LAMA4: variants seen among roughly 807,000 people sequenced by gnomAD.
LAMA4 encodes laminin subunit alpha 4, also known as laminin subunit alpha-4.
LAMA4 carries 127 observed loss-of-function variants against 207.1 expected under a neutral mutation model. The ratio of observed to expected loss-of-function variants is 0.61; its 90% CI spans 0.53 to 0.71. The LOEUF (loss-of-function observed/expected upper bound fraction) is 0.71, where lower values mean the gene tolerates loss of function less well. Ranked by LOEUF, LAMA4 falls within the 30% of genes least tolerant of loss-of-function variation. LAMA4 has a pLI of 0.00. For missense variants in LAMA4, 2,093 were observed against 2,246.5 expected (o/e 0.93, Z 1.38); for synonymous variants, 761 against 816.0 (o/e 0.93, Z 1.15).
rs112273838 is a variant in LAMA4 at position 112,167,160 on chromosome 6, T to C, written c.1552-1884A>G. ...TGATTAAGCTCTGTGGGTACTTTTT[T>C]GGTTTTGTATGATAACTGAAATTTG... On this transcript the variant is annotated intron_variant, in intron 12 of 38. Coordinates refer to ENST00000230538, the MANE Select transcript of LAMA4 (RefSeq NM_001105206.3). Among the ~76,000 whole-genome samples the C allele has an allele frequency of 8.4e-3, 1,286 of 152,356 alleles. 13 individuals carry two copies. The highest frequency in any genetic ancestry group is 0.029 in the African/African-American group (1,191 of 41,584).
At chr6:112,158,281 T>C (rs976696162) in intron 14 of LAMA4, 2 of 183,640 alleles carry the variant, frequency 1.1e-5, no homozygotes, top group Non-Finnish European at 2.3e-5. Context: ...TCCCGACCAG[T>C]TTTACTTAAG....
chr6:112,198,240 T>C (rs1388349034), intron 5 of LAMA4, among the ~76,000 whole-genome samples: 1 of 152,024 alleles, frequency 6.6e-6, no homozygotes, highest in Non-Finnish European at 1.5e-5. Flanking sequence ...GAATCCAAAG[T>C]TTTCCTGGAG....
At chr6:112,172,898 A>T in intron 11 of LAMA4, 94 bp from the exon 12 acceptor site, 1 of 937,584 alleles carries the variant, frequency 1.1e-6, no homozygotes, top group Non-Finnish European at 1.7e-6. Flanking sequence ...TTCTCAGGCC[A>T]TGCCTTCTTT....
chr6:112,121,401 C>A (rs587692658), intron 32 of LAMA4, among the ~76,000 whole-genome samples: 1 of 152,260 alleles, frequency 6.6e-6, no homozygotes, highest in South Asian at 2.1e-4. Flanking sequence ...AGGCAGGTAG[C>A]AAATTATAAG....
In LAMA4 at chr6:112,142,157, T is replaced by A; in HGVS notation, c.2629A>T (p.Thr877Ser). ...AGGTACAGGATAAACTGATCTGCAG[T>A]CTCGGTCAGTTCCGGCCGCTTCACA... ...PPVKRPELTE[T>S]ADQFILYLGS... Residue 877 changes from threonine (T) to serine (S), a missense_variant, in exon 20 of 39, where the codon ACT becomes TCT. Coordinates refer to ENST00000230538, the MANE Select transcript of LAMA4 (RefSeq NM_001105206.3). The A allele has an allele frequency of 6.2e-7, 1 of 1,614,142 alleles. No individual in the cohort carries two copies. The highest frequency in any genetic ancestry group is 8.5e-7 in the Non-Finnish European group (1 of 1,179,998).
intron 3 of LAMA4, chr6:112,213,538 CAT>C (rs879975403): frequency 1.3e-5 from 2 of 152,278 alleles, no homozygotes; most frequent in Non-Finnish European, 2.9e-5. Flanking sequence ...ACACTCAAAA[CAT>C]AGTAGATTTC....
intron 13 of LAMA4, among the ~76,000 whole-genome samples, chr6:112,162,639 G>A (rs1363377577): frequency 1.3e-5 from 2 of 152,096 alleles, no homozygotes; most frequent in African/African-American, 4.8e-5. Flanking sequence ...GAAGGAGTGG[G>A]TTTTATTTAA....
intron 37 of LAMA4, 30 bp from the exon 38 acceptor site, chr6:112,114,225 G>A: frequency 1.2e-6 from 2 of 1,606,536 alleles, no homozygotes; most frequent in East Asian, 2.2e-5. Flanking sequence ...CTGGTCATAA[G>A]TGGCACTGGA....
chr6:112,150,322 G>T, intron 17 of LAMA4, 189 bp downstream of exon 17: 1 of 639,942 alleles, frequency 1.6e-6, no homozygotes, highest in East Asian at 2.8e-5. Context: ...TGTGATTACA[G>T]CATTTATATT....
In LAMA4 at chr6:112,189,206, C is replaced by T. The variant is rs782066706; in HGVS notation, c.719-1G>A. 4 of 1,610,794 alleles carry T rather than the reference C, an allele frequency of 2.5e-6. No individual in the cohort carries two copies. The South Asian group carries it at 4.4e-5, about 18-fold the overall frequency. On this transcript the variant is annotated splice_acceptor_variant, in intron 6 of 38. Transcript: ENST00000230538. LOFTEE classifies it high-confidence loss of function. ...CATGGGCCTCCCCCGCAGTTGCACA[C>T]TGTGGGAAACAAAAACAAGAGACGA...
chr6:112,205,734 G>A (rs1784020136), intron 4 of LAMA4, among the ~76,000 whole-genome samples: 1 of 151,998 alleles, frequency 6.6e-6, no homozygotes, highest in African/African-American at 2.4e-5. Flanking sequence ...CTTGAGAGTG[G>A]GAGCCTATGA....
chr6:112,175,620 G>T, intron 10 of LAMA4, 140 bp from the exon 11 acceptor site: 1 of 831,414 alleles, frequency 1.2e-6, no homozygotes, highest in Non-Finnish European at 2.0e-6. Context: ...CAGCGTGCTA[G>T]TGTTCATGCT....
intron 6 of LAMA4, among the ~76,000 whole-genome samples, chr6:112,190,817 C>T (rs375479210): frequency 4.6e-5 from 7 of 152,198 alleles, no homozygotes; most frequent in East Asian, 1.9e-4. Context: ...CATAACTGAA[C>T]GAGAGATATA....
rs782755442 is a variant in LAMA4 at position 112,120,349 on chromosome 6, A to T, written c.4599T>A (p.Phe1533Leu). Residue 1533 changes from phenylalanine (F) to leucine (L), a missense_variant, in exon 33 of 39, where the codon TTT becomes TTA. Around this residue, in one of 3 missense-constraint regions of LAMA4, gnomAD observed 383 missense variants for 437.8 expected, o/e 0.87. Transcript: ENST00000230538. ...TCTTCAGTTTTTTGTGACCAACATTAAACATGTAAACCAAGCGGCCATGGG... is the reference window on the plus strand; with the variant it reads ...TCTTCAGTTTTTTGTGACCAACATTTAACATGTAAACCAAGCGGCCATGGG... Reference protein sequence around the residue: ...FLAHGRLVYMFNVGHKKLKIR... With the variant: ...FLAHGRLVYMLNVGHKKLKIR... 1 of 1,614,046 alleles carries T rather than the reference A, an allele frequency of 6.2e-7. No individual in the cohort carries two copies. The highest frequency in any genetic ancestry group is 8.5e-7 in the Non-Finnish European group (1 of 1,179,958).
chr6:112,190,228 A>G (rs1298173825), intron 6 of LAMA4, among the ~76,000 whole-genome samples: 1 of 152,320 alleles, frequency 6.6e-6, no homozygotes, highest in East Asian at 1.9e-4. Context: ...TCAGGATGTC[A>G]ACCTTTCAGG....
chr6:112,125,633 G>A (rs897431261), intron 31 of LAMA4, among the ~76,000 whole-genome samples: 7 of 152,280 alleles, frequency 4.6e-5, no homozygotes, highest in Non-Finnish European at 1.0e-4. Flanking sequence ...AAATACCATA[G>A]GGAACTAGAA....
At chr6:112,229,389 T>C (rs1395017425) in intron 2 of LAMA4, among the ~76,000 whole-genome samples, 4 of 152,162 alleles carry the variant, frequency 2.6e-5, no homozygotes, top group African/African-American at 9.7e-5. Context: ...GCCAAAACCA[T>C]ACCAACACCC....
intron 16 of LAMA4, among the ~76,000 whole-genome samples, chr6:112,150,907 C>T (rs1554335648): frequency 6.6e-6 from 1 of 152,136 alleles, no homozygotes; most frequent in Non-Finnish European, 1.5e-5. Flanking sequence ...CTAATAACAC[C>T]AAGCAGCACA....
chr6:112,191,052 G>A (rs1364467688), intron 6 of LAMA4, among the ~76,000 whole-genome samples: 1 of 150,444 alleles, frequency 6.6e-6, no homozygotes, highest in Non-Finnish European at 1.5e-5. Context: ...CTGGAGTGCG[G>A]TGGCACAATC....
Sources: allele counts gnomAD v4.1 joint callset (sites outside exome capture counted in the v4.1 genomes callset), GRCh38; gene constraint gnomAD v4.1.1; regional missense constraint gnomAD v4.1.1; transcripts MANE v1.5; gene names NCBI Gene and HGNC (gene_info 2026-07-23, HGNC 2026-07-21).